CNTN5: variants seen among roughly 807,000 people sequenced by gnomAD.
The protein encoded by CNTN5 is contactin 5.
Under a neutral mutation model 129.1 loss-of-function variants are expected in CNTN5, and 77 were observed. The ratio of observed to expected loss-of-function variants is 0.60; its 90% confidence interval spans 0.50 to 0.72. The LOEUF (loss-of-function observed/expected upper bound fraction) is 0.72, where lower values mean the gene tolerates loss of function less well. Ranked by LOEUF, CNTN5 falls within the 30% of genes least tolerant of loss-of-function variation. The pLI, the probability that CNTN5 is intolerant of heterozygous loss-of-function variation, is 0.00. For missense variants in CNTN5, 1,478 were observed against 1,328.8 expected (o/e 1.11, Z -1.75); for synonymous variants, 509 against 465.6 (o/e 1.09, Z -1.20).
chr11:100,061,350 C>G lies in CNTN5; in HGVS notation c.1119C>G (p.Asn373Lys), dbSNP rs1296832229. 6.2e-7 allele frequency: 1 copy of G among 1,602,514 alleles called. No homozygotes were observed. The highest frequency in any genetic ancestry group is 1.7e-5 in the Admixed American group (1 of 59,738). The change falls in exon 10 of 25, where the codon AAC becomes AAG. Residue 373 changes from asparagine (N) to lysine (K), a missense_variant. Asn to Lys is a moderately conservative substitution (Grantham distance 94, BLOSUM62 0). Transcript: ENST00000524871. ...DAGIYECRAENSRGKNSFRGQ... is the reference protein window; with the variant it reads ...DAGIYECRAEKSRGKNSFRGQ... ...GCATTTATGAGTGCAGAGCTGAAAA[C>G]TCACGTGGAAAAAATTCCTTTCGTG...
intron 3 of CNTN5, among the ~76,000 whole-genome samples, chr11:99,736,344 C>G (rs1354846776): frequency 1.3e-5 from 2 of 152,056 alleles, no homozygotes; most frequent in African/African-American, 2.4e-5. Context: ...AGGAGCTGTT[C>G]CTTTTAGTGT....
chr11:99,969,982 C>T (rs1260594457), intron 8 of CNTN5, among the ~76,000 whole-genome samples: 1 of 152,180 alleles, frequency 6.6e-6, no homozygotes, highest in East Asian at 1.9e-4. Context: ...AAACTAACTT[C>T]TGCAGCTGAC....
chr11:100,226,804 C>T (rs918502621), intron 16 of CNTN5, among the ~76,000 whole-genome samples: 15 of 152,040 alleles, frequency 9.9e-5, no homozygotes, highest in Non-Finnish European at 1.9e-4. Context: ...ATTCAACAAG[C>T]TTTGATGTTT....
chr11:99,141,525 C>G (rs1471364758), intron 1 of CNTN5, among the ~76,000 whole-genome samples: 1 of 152,082 alleles, frequency 6.6e-6, no homozygotes, highest in Admixed American at 6.6e-5. Context: ...CTCAAGCTCT[C>G]ATTTTGGCTA....
intron 18 of CNTN5, among the ~76,000 whole-genome samples, chr11:100,280,550 G>A (rs1053670708): frequency 6.6e-6 from 1 of 151,922 alleles, no homozygotes; most frequent in Non-Finnish European, 1.5e-5. Context: ...TTCTATCCCT[G>A]TGTTTTCAAT....
At position 100,356,144 on chromosome 11, in the gene CNTN5, C is replaced by G. The variant is rs1461578029; in HGVS notation, c.3227C>G (p.Thr1076Ser). 1 of 1,610,232 alleles carries G rather than the reference C, an allele frequency of 6.2e-7. No homozygotes were observed. The highest frequency in any genetic ancestry group is 1.1e-5 in the South Asian group (1 of 90,594). The change falls in exon 25 of 25, where the codon ACC becomes AGC. Residue 1076 changes from threonine (T) to serine (S), a missense_variant. Coordinates refer to ENST00000524871, the MANE Select transcript of CNTN5 (RefSeq NM_014361.4). ...GGAAAAATCACAAGTGCACAGTCGACCCTTCACTCTCTCTCCACATCTTCG... is the reference window on the plus strand; with the variant it reads ...GGAAAAATCACAAGTGCACAGTCGAGCCTTCACTCTCTCTCCACATCTTCG... ...SGGKITSAQS[T>S]LHSLSTSSSS... is the part of the protein sequence containing the mutation.
chr11:99,664,468 C>T lies in CNTN5; in HGVS notation c.55+108199C>T, dbSNP rs1305488656. On this transcript the variant is annotated intron_variant, in intron 3 of 24. Coordinates refer to ENST00000524871, the MANE Select transcript of CNTN5 (RefSeq NM_014361.4). Reference sequence around the variant, plus strand: ...TTAGGGGCAAGGGTGCAAGGAAAACCTGGACCAGAGTTTTCAGTTCTCAGT... The same window carrying T: ...TTAGGGGCAAGGGTGCAAGGAAAACTTGGACCAGAGTTTTCAGTTCTCAGT... Among the ~76,000 whole-genome samples, 4 of 152,100 alleles carry T rather than the reference C, an allele frequency of 2.6e-5. No individual in the cohort carries two copies. In the East Asian group the frequency reaches 7.7e-4, roughly 29 times the overall value.
chr11:99,777,777 T>G (rs940411608), intron 3 of CNTN5, among the ~76,000 whole-genome samples: 1 of 151,844 alleles, frequency 6.6e-6, no homozygotes, highest in African/African-American at 2.4e-5. Flanking sequence ...ATAGTGCTAA[T>G]TATACAATTC....
At chr11:99,318,430 C>G (rs927581098) in intron 1 of CNTN5, among the ~76,000 whole-genome samples, 3 of 152,056 alleles carry the variant, frequency 2.0e-5, no homozygotes, top group African/African-American at 7.2e-5. Flanking sequence ...ATTTTTCTTT[C>G]AGCACTAATG....
intron 8 of CNTN5, among the ~76,000 whole-genome samples, chr11:99,978,394 A>G (rs1331106055): frequency 1.3e-5 from 2 of 152,224 alleles, no homozygotes; most frequent in African/African-American, 4.8e-5. Flanking sequence ...TAAAGTCAAC[A>G]GTAATGTACA....
intron 6 of CNTN5, among the ~76,000 whole-genome samples, chr11:99,847,870 G>A (rs1454521983): frequency 2.0e-5 from 3 of 151,980 alleles, no homozygotes; most frequent in African/African-American, 7.2e-5. Context: ...AAAGAAAAGG[G>A]GTTCCTGAAA....
At chr11:99,797,925 C>G (rs1945997557) in intron 3 of CNTN5, among the ~76,000 whole-genome samples, 1 of 151,820 alleles carries the variant, frequency 6.6e-6, no homozygotes, top group Non-Finnish European at 1.5e-5. Context: ...AAAAATATAG[C>G]CTCTGCCTGT....
intron 1 of CNTN5, among the ~76,000 whole-genome samples, chr11:99,150,851 A>G (rs1860017485): frequency 6.6e-6 from 1 of 152,146 alleles, no homozygotes. Flanking sequence ...TAGAAGAAAC[A>G]TTAAATTCAG....
At chr11:99,940,810 A>G (rs1205580727) in intron 7 of CNTN5, among the ~76,000 whole-genome samples, 1 of 152,134 alleles carries the variant, frequency 6.6e-6, no homozygotes, top group Non-Finnish European at 1.5e-5. Flanking sequence ...GATAGATTAA[A>G]GCATACATTT....
In CNTN5 at chr11:99,894,742, C is replaced by T. The variant is rs1215488983; in HGVS notation, c.578-21312C>T. Among the ~76,000 whole-genome samples the T allele has an allele frequency of 3.9e-5, 6 of 152,120 alleles. No homozygotes were observed. In the East Asian group the frequency reaches 1.2e-3, roughly 29 times the overall value. On this transcript the variant is annotated intron_variant, in intron 6 of 24. Coordinates refer to ENST00000524871, the MANE Select transcript of CNTN5 (RefSeq NM_014361.4). ...AAATATCAATGATTATGCAGAAAAA[C>T]AAGTGCTAGCTATGATAATTTTGAA...
At chr11:99,301,625 A>G (rs528595886) in intron 1 of CNTN5, among the ~76,000 whole-genome samples, 20 of 151,976 alleles carry the variant, frequency 1.3e-4, no homozygotes, top group Admixed American at 2.0e-4. Context: ...GAAAACATAG[A>G]CAATGAAAAA....
At chr11:99,478,221 A>G (rs1449195378) in intron 2 of CNTN5, among the ~76,000 whole-genome samples, 3 of 152,114 alleles carry the variant, frequency 2.0e-5, no homozygotes, top group African/African-American at 7.2e-5. Flanking sequence ...GGTGTCAGCT[A>G]AAACTGGGGT....
At chr11:100,118,852 A>G (rs1209527644) in intron 13 of CNTN5, among the ~76,000 whole-genome samples, 1 of 151,844 alleles carries the variant, frequency 6.6e-6, no homozygotes, top group African/African-American at 2.4e-5. Context: ...GGGAAAGGGA[A>G]TAGCTTTTAG....
chr11:99,636,814 G>T (rs1422131187), intron 3 of CNTN5, among the ~76,000 whole-genome samples: 2 of 151,196 alleles, frequency 1.3e-5, no homozygotes, highest in Non-Finnish European at 2.9e-5. Context: ...AGGAGATCAG[G>T]ACGATCCTGG....
Sources: gnomAD v4.1 joint callset for allele counts (sites outside exome capture counted in the v4.1 genomes callset) on GRCh38, gnomAD v4.1.1 for gene constraint, MANE v1.5 for transcripts, NCBI Gene and HGNC (gene_info 2026-07-23, HGNC 2026-07-21) for gene names.